The following ANKRD11 variants were observed in gnomAD, a reference collection of about 807,000 sequenced individuals.
ANKRD11 encodes ankyrin repeat domain-containing protein 11.
A neutral mutation model predicts 195.7 loss-of-function variants in ANKRD11; 17 were observed. The ratio of observed to expected loss-of-function variants is 0.09; its 90% confidence interval spans 0.06 to 0.13. The LOEUF (loss-of-function observed/expected upper bound fraction) is 0.13. Ranked by LOEUF, ANKRD11 falls within the 10% of genes least tolerant of loss-of-function variation. The pLI, the probability that ANKRD11 is intolerant of heterozygous loss-of-function variation, is 1.00. For synonymous variants in ANKRD11, 1,953 were observed against 1,528.1 expected, an observed-to-expected ratio of 1.28 and a Z score of -6.49; for missense variants, 3,735 against 3,566.1, an observed-to-expected ratio of 1.05 and a Z score of -1.21.
chr16:89,317,008 A>C lies in ANKRD11; in HGVS notation c.12T>G (p.Gly4=). The C allele has an allele frequency of 6.2e-7, 1 of 1,613,396 alleles. No individual in the cohort carries two copies. The highest frequency in any genetic ancestry group is 8.5e-7 in the Non-Finnish European group (1 of 1,179,750). MPK[G]GCPKAPQQEE... ...CCTGCTGTGGTGCTTTAGGGCACCC[A>C]CCCTTGGGCATCGTCCTGCTCCTCA... The change falls in exon 3 of 13, where the codon GGT becomes GGG. Residue 4 remains glycine (G), a synonymous_variant. Transcript: ENST00000301030.
intron 2 of ANKRD11, among the ~76,000 whole-genome samples, chr16:89,381,857 A>G (rs1052572087): frequency 6.6e-6 from 1 of 152,198 alleles, no homozygotes; most frequent in African/African-American, 2.4e-5. Flanking sequence ...GGAGGGCATA[A>G]CTTACAGCCT....
At chr16:89,364,880 G>A (rs1212490049) in intron 2 of ANKRD11, among the ~76,000 whole-genome samples, 1 of 152,228 alleles carries the variant, frequency 6.6e-6, no homozygotes, top group Admixed American at 6.5e-5. Context: ...CTGGCACGCA[G>A]ATGGCCCAGG....
In ANKRD11 at chr16:89,285,085, G is replaced by A; in HGVS notation, c.1457C>T (p.Ser486Leu). Reference sequence around the variant, plus strand: ...GTCCCTGTCATCCTCCCCACTCTCTGAGGACTCGCTCTCCGACTCCGAGGA... The same window carrying A: ...GTCCCTGTCATCCTCCCCACTCTCTAAGGACTCGCTCTCCGACTCCGAGGA... ...FCSSESESES[S>L]ESGEDDRDSL... is the part of the protein sequence containing the mutation. The change falls in exon 9 of 13, where the codon TCA (serine) becomes TTA (leucine). Residue 486 changes from serine (S) to leucine (L), a missense_variant. Transcript: ENST00000301030. This position sits in a 1 kb window ranked among gnomAD's most constrained non-coding sequence, Gnocchi z 5.6. 1 of 1,613,818 alleles carries A rather than the reference G, an allele frequency of 6.2e-7. No individual in the cohort carries two copies. The highest frequency in any genetic ancestry group is 1.3e-5 in the African/African-American group (1 of 75,052).
intron 2 of ANKRD11, chr16:89,324,622 A>G: frequency 2.4e-6 from 1 of 419,314 alleles, no homozygotes; most frequent in Non-Finnish European, 4.8e-6. Context: ...CTGCGGAAGC[A>G]CTGGACTGGC....
At position 89,284,527 on chromosome 16, in the gene ANKRD11, A is replaced by G; in HGVS notation, c.2015T>C (p.Ile672Thr). The change falls in exon 9 of 13, where the codon ATA becomes ACA. Residue 672 changes from isoleucine (I) to threonine (T), a missense_variant. Physicochemically the swap from Ile to Thr is moderately conservative, Grantham distance 89. Coordinates refer to ENST00000301030, the MANE Select transcript of ANKRD11 (RefSeq NM_013275.6). The part of the protein sequence containing the change: ...EDSKQKSDKA[I>T]LLENDLSTEN... The stretch of plus-strand genomic sequence containing the variant: ...AGTGGAAAGATCATTCTCTAACAGT[A>G]TAGCCTTATCTGACTTCTGCTTGGA... 4 of 1,614,116 alleles carry G rather than the reference A, an allele frequency of 2.5e-6. No individual in the cohort carries two copies. Among genetic ancestry groups the G allele is most frequent in the Non-Finnish European group, 3.4e-6 (4 of 1,180,036 alleles).
In ANKRD11 at chr16:89,285,472, C is replaced by G; in HGVS notation, c.1070G>C (p.Arg357Thr). The change falls in exon 9 of 13, where the codon AGG (arginine) becomes ACG (threonine). Residue 357 changes from arginine (R) to threonine (T), a missense_variant. Coordinates refer to ENST00000301030, the MANE Select transcript of ANKRD11 (RefSeq NM_013275.6). The surrounding 1 kb of genome is among the most constrained non-coding windows in gnomAD (Gnocchi z 5.6). ...GTGCTTGTCGTCCACCGGAGGAACC[C>G]TGTCCTGCTCGTCGTCCTCATCAAA... The part of the protein sequence containing the change: ...YEFDEDDEQD[R>T]VPPVDDKHLL... 1 of 1,614,224 alleles carries G rather than the reference C, an allele frequency of 6.2e-7. No homozygotes were observed. Among genetic ancestry groups the G allele is most frequent in the Non-Finnish European group, 8.5e-7 (1 of 1,180,048 alleles).
chr16:89,279,483 G>A lies in ANKRD11; in HGVS notation c.7059C>T (p.Pro2353=). ...TGGGGGCGCACTCCTTCTCGGAGGG[G>A]GGCGGGCCCTGCTTGCTCTGGTTCG... ...MLANQSKQGP[P]PSEKECAPTP... is the part of the protein sequence containing the mutation. Residue 2353 remains proline (P), a synonymous_variant, in exon 9 of 13, where the codon CCC becomes CCT. Coordinates refer to ENST00000301030, the MANE Select transcript of ANKRD11 (RefSeq NM_013275.6). This position sits in a 1 kb window ranked among gnomAD's most constrained non-coding sequence, Gnocchi z 5.6. The A allele has an allele frequency of 2.2e-6, 3 of 1,365,832 alleles. No homozygotes were observed. Among genetic ancestry groups the A allele is most frequent in the Non-Finnish European group, 2.0e-6 (2 of 1,003,316 alleles). The allele number at this position is 1,365,832 out of a possible 1,614,324, so 84.6% of individuals were successfully genotyped here. A position where few individuals can be genotyped will look rare whatever the true frequency, so the allele number is the denominator to read the frequency against.
intron 9 of ANKRD11, chr16:89,277,583 G>A (rs554356050): frequency 2.6e-5 from 4 of 152,388 alleles, no homozygotes; most frequent in Non-Finnish European, 5.9e-5. Context: ...GAGATCCTGG[G>A]GCAGGTTTTT....
In ANKRD11 at chr16:89,317,490, C is replaced by G. The variant is rs1362509998; in HGVS notation, c.-59-412G>C. Among the ~76,000 whole-genome samples the G allele has an allele frequency of 3.9e-5, 6 of 152,290 alleles. No individual in the cohort carries two copies. In the South Asian group the frequency reaches 1.2e-3, roughly 32 times the overall value. On this transcript the variant is annotated intron_variant, in intron 2 of 12. Coordinates refer to ENST00000301030, the MANE Select transcript of ANKRD11 (RefSeq NM_013275.6). ...AGGTCACAACACGCAGCGCAGTACC[C>G]CAGCCCTCAGGTCTGGCAGGTCATG...
intron 1 of ANKRD11, among the ~76,000 whole-genome samples, chr16:89,434,808 G>C (rs1317574073): frequency 1.3e-5 from 2 of 152,244 alleles, no homozygotes; most frequent in African/African-American, 4.8e-5. Context: ...GCACTGGATG[G>C]AGACGCGGCG....
chr16:89,468,491 G>A (rs982598858), intron 1 of ANKRD11, among the ~76,000 whole-genome samples: 1 of 152,160 alleles, frequency 6.6e-6, no homozygotes, highest in Admixed American at 6.5e-5. Context: ...GATCACTTGA[G>A]GCCAGAAGTT....
At chr16:89,278,430 C>G (rs990877189) in intron 9 of ANKRD11, 2 of 427,884 alleles carry the variant, frequency 4.7e-6, no homozygotes, top group Non-Finnish European at 9.4e-6. Context: ...TATTTTGGGC[C>G]CAGACGTAGC....
At chr16:89,303,787 C>A (rs145258054) in intron 4 of ANKRD11, among the ~76,000 whole-genome samples, 5 of 152,344 alleles carry the variant, frequency 3.3e-5, no homozygotes, top group Non-Finnish European at 5.9e-5. Flanking sequence ...GCTTGCTGAG[C>A]TGTGCTGACA....
chr16:89,291,531 C>T lies in ANKRD11; in HGVS notation c.227-348G>A. On this transcript the variant is annotated intron_variant, in intron 4 of 12. Coordinates refer to ENST00000301030, the MANE Select transcript of ANKRD11 (RefSeq NM_013275.6). This position sits in a 1 kb window ranked among gnomAD's most constrained non-coding sequence, Gnocchi z 5.3. ...GGTGGGACAGCTTAGCACCGGTGACCTGGCTCACACAGGACAGGTCTCTGT... is the reference window on the plus strand; with the variant it reads ...GGTGGGACAGCTTAGCACCGGTGACTTGGCTCACACAGGACAGGTCTCTGT... 3.1e-6 allele frequency: 2 copies of T among 655,396 alleles called. No individual in the cohort carries two copies. The highest frequency in any genetic ancestry group is 1.1e-4 in the East Asian group (2 of 18,820). 40.6% of individuals were successfully genotyped at this position (655,396 alleles called of 1,614,324 possible).
intron 1 of ANKRD11, among the ~76,000 whole-genome samples, chr16:89,484,037 C>G (rs1237704446): frequency 6.6e-6 from 1 of 152,102 alleles, no homozygotes; most frequent in Non-Finnish European, 1.5e-5. Flanking sequence ...CTGTGGAATA[C>G]TAACACTACA....
At position 89,279,218 on chromosome 16, in the gene ANKRD11, G is replaced by A. The variant is rs373934412; in HGVS notation, c.7324C>T (p.Leu2442=). 1.5e-4 allele frequency: 235 copies of A among 1,612,216 alleles called. 7 individuals carry two copies. In the South Asian group the frequency reaches 2.1e-3, roughly 14 times the overall value. Residue 2442 remains leucine, a synonymous_variant, in exon 9 of 13, where the codon CTG becomes TTG. Transcript: ENST00000301030. This position sits in a 1 kb window ranked among gnomAD's most constrained non-coding sequence, Gnocchi z 5.6. ...SDRANPYFEY[L]QIRKKIEEKR... is the part of the protein sequence containing the mutation. ...TCCTCGATCTTCTTCCTGATCTGCAGGTATTCGAAGTAGGGGTTGGCCCTG... is the reference window on the plus strand; with the variant it reads ...TCCTCGATCTTCTTCCTGATCTGCAAGTATTCGAAGTAGGGGTTGGCCCTG...
rs995580016 is a variant in ANKRD11, at chr16:89,281,016, C to T, written c.5526G>A (p.Lys1842=). Residue 1842 remains lysine (K), a synonymous_variant, in exon 9 of 13, where the codon AAG becomes AAA. Coordinates refer to ENST00000301030, the MANE Select transcript of ANKRD11 (RefSeq NM_013275.6). The surrounding 1 kb of genome is among the most constrained non-coding windows in gnomAD (Gnocchi z 5.5). ...RAPLPPVPAE[K]FACLSPGYYS... The stretch of plus-strand genomic sequence containing the variant: ...AGTACCCTGGCGACAAGCAGGCAAA[C>T]TTCTCCGCGGGAACCGGGGGCAGGG... The T allele has an allele frequency of 1.3e-6, 2 of 1,588,638 alleles. No homozygotes were observed. Among genetic ancestry groups the T allele is most frequent in the Non-Finnish European group, 1.7e-6 (2 of 1,165,780 alleles).
chr16:89,290,244 GC>G (rs11327178), intron 6 of ANKRD11, among the ~76,000 whole-genome samples: 4,661 of 24,712 alleles, frequency 0.19, 575 homozygotes, highest in African/African-American at 0.39. Flanking sequence ...CAGGGCTCCA[GC>G]GGGGGGTAGG....
rs369437991 is a variant in ANKRD11 at position 89,441,129 on chromosome 16, G to A, written c.-144-22761C>T. 1.1e-4 allele frequency among the ~76,000 whole-genome samples: 17 copies of A among 151,896 alleles called. 1 individual carries two copies. The highest frequency in any genetic ancestry group is 8.3e-4 in the South Asian group (4 of 4,806). On this transcript the variant is annotated intron_variant, in intron 1 of 12. Coordinates refer to ENST00000301030, the MANE Select transcript of ANKRD11 (RefSeq NM_013275.6). The stretch of plus-strand genomic sequence containing the variant: ...TGGGCGCCTGTAGTCCCAGCTACTC[G>A]GGAGGCTGAGGCAGGAAAATGGCGT...
Sources: allele counts gnomAD v4.1 joint callset (sites outside exome capture counted in the v4.1 genomes callset), GRCh38; gene constraint gnomAD v4.1.1; non-coding constraint Gnocchi (gnomAD v3.1); transcripts MANE v1.5; gene names NCBI Gene and HGNC (gene_info 2026-07-23, HGNC 2026-07-21).